Variants in SERPINA6 observed in about 807,000 individuals in gnomAD.
SERPINA6 encodes corticosteroid-binding globulin.
A neutral mutation model predicts 26.4 loss-of-function variants in SERPINA6; 19 were observed. That is an observed-to-expected ratio of 0.72 (90% confidence interval 0.50 to 1.06). SERPINA6 has a LOEUF of 1.06. Ranked by LOEUF, SERPINA6 falls within the 50% of genes least tolerant of loss-of-function variation. SERPINA6 has a pLI of 0.00. For missense variants in SERPINA6, 473 were observed against 504.0 expected (o/e 0.94, Z 0.59); for synonymous variants, 196 against 199.4 (o/e 0.98, Z 0.14).
chr14:94,306,920 A>G lies in SERPINA6; in HGVS notation c.885-702T>C, dbSNP rs556420635. ...TGCCTTCTCCCCAGAGGGAGAGCAG[A>G]TGTCTAAAACACTGAAACTGAGGGG... On this transcript the variant is annotated intron_variant, in intron 3 of 4. Transcript: ENST00000341584. Among the ~76,000 whole-genome samples the G allele has an allele frequency of 1.6e-4, 24 of 152,276 alleles. No homozygotes were observed. In the South Asian group the frequency reaches 3.9e-3, roughly 25 times the overall value.
At chr14:94,319,027 C>T (rs934007395) in intron 1 of SERPINA6, among the ~76,000 whole-genome samples, 2 of 152,200 alleles carry the variant, frequency 1.3e-5, no homozygotes, top group African/African-American at 4.8e-5. Flanking sequence ...TTTTCAGAGA[C>T]AACATACAAA....
chr14:94,304,434 A>G lies in SERPINA6; in HGVS notation c.1202T>C (p.Val401Ala), dbSNP rs772415332. 2 of 1,614,032 alleles carry G rather than the reference A, an allele frequency of 1.2e-6. No individual in the cohort carries two copies. Among genetic ancestry groups the G allele is most frequent in the Non-Finnish European group, 1.7e-6 (2 of 1,179,962 alleles). The change falls in exon 5 of 5, where the codon GTT becomes GCT. Residue 401 changes from valine to alanine, a missense_variant. Physicochemically the swap from Val to Ala is moderately conservative, Grantham distance 64. Transcript: ENST00000341584. ...GGTGGTCTCTTACACTGGGTTCATAACCCTCGCCAGGAAAAGGCTGCTCCA... is the reference window on the plus strand; with the variant it reads ...GGTGGTCTCTTACACTGGGTTCATAGCCCTCGCCAGGAAAAGGCTGCTCCA... The part of the protein sequence containing the change: ...FTWSSLFLAR[V>A]MNPV
intron 2 of SERPINA6, among the ~76,000 whole-genome samples, chr14:94,313,230 A>G (rs1378622116): frequency 1.3e-5 from 2 of 152,248 alleles, no homozygotes; most frequent in African/African-American, 4.8e-5. Context: ...GCTTTGTGGC[A>G]GGCAGAATAA....
intron 2 of SERPINA6, 78 bp from the exon 3 acceptor site, chr14:94,310,084 A>G: frequency 1.4e-6 from 2 of 1,427,598 alleles, no homozygotes; most frequent in South Asian, 1.2e-5. Context: ...CTACTATCCA[A>G]GTGACACAGT....
intron 2 of SERPINA6, among the ~76,000 whole-genome samples, chr14:94,312,517 A>G (rs1033027977): frequency 3.9e-5 from 6 of 152,268 alleles, no homozygotes; most frequent in Non-Finnish European, 8.8e-5. Context: ...AAGAGTGCAC[A>G]GTCTCGTGGG....
chr14:94,305,820 G>C (rs8015996), intron 4 of SERPINA6, among the ~76,000 whole-genome samples: 3 of 151,856 alleles, frequency 2.0e-5, no homozygotes, highest in Non-Finnish European at 4.4e-5. Flanking sequence ...GTGTGGTCTG[G>C]TGGGATGGGT....
chr14:94,308,028 T>G (rs1453860845), intron 3 of SERPINA6, among the ~76,000 whole-genome samples: 1 of 152,264 alleles, frequency 6.6e-6, no homozygotes, highest in Non-Finnish European at 1.5e-5. Flanking sequence ...ACAACATTTG[T>G]CCAAGCCAAA....
At chr14:94,310,049 C>T (rs1413912037) in intron 2 of SERPINA6, 43 bp from the exon 3 acceptor site, 1 of 1,608,226 alleles carries the variant, frequency 6.2e-7, no homozygotes, top group Non-Finnish European at 8.5e-7. Context: ...GAGAGGAAAA[C>T]ACAGTTCCAG....
At chr14:94,322,484 T>C (rs764935876) in intron 1 of SERPINA6, among the ~76,000 whole-genome samples, 4 of 152,118 alleles carry the variant, frequency 2.6e-5, no homozygotes, top group Admixed American at 6.5e-5. Context: ...CACTCCAGCT[T>C]GGGCAACAAG....
At chr14:94,312,825 T>TGA (rs139111793) in intron 2 of SERPINA6, among the ~76,000 whole-genome samples, 1,602 of 149,106 alleles carry the variant, frequency 0.011, 41 homozygotes, top group African/African-American at 0.038. Flanking sequence ...TGGGAGGTCC[T>TGA]GAGAGAGAGC....
At position 94,314,381 on chromosome 14, in the gene SERPINA6, G is replaced by T. The variant is rs775123612; in HGVS notation, c.268C>A (p.Leu90Ile). 7 of 1,614,078 alleles carry T rather than the reference G, an allele frequency of 4.3e-6. No individual in the cohort carries two copies. The highest frequency in any genetic ancestry group is 5.9e-6 in the Non-Finnish European group (7 of 1,180,028). ...GTCGHTRAQL[L>I]QGLGFNLTER... ...GTGAGGTTGAAACCCAGGCCCTGGA[G>T]AAGCTGGGCCCGTGTGTGGCCACAG... is the stretch of plus-strand genomic sequence containing the variant. Residue 90 changes from leucine (L) to isoleucine (I), a missense_variant, in exon 2 of 5, where the codon CTC (leucine) becomes ATC (isoleucine). Physicochemically the swap from Leu to Ile is conservative, Grantham distance 5 (BLOSUM62 2). Coordinates refer to ENST00000341584, the MANE Select transcript of SERPINA6 (RefSeq NM_001756.4).
chr14:94,304,798 GCCGCA>G lies in SERPINA6; in HGVS notation c.1033-200_1033-196del, dbSNP rs200545552. Among the ~76,000 whole-genome samples, 7 of 152,248 alleles carry G rather than the reference GCCGCA, an allele frequency of 4.6e-5. No individual in the cohort carries two copies. The East Asian group carries it at 1.4e-3, about 29-fold the overall frequency. ...AAGTCTGTCCACCTCCAGAACCTGG[GCCGCA>G]CCTACACTTCCTATTCAAAGGGCAG... On this transcript the variant is annotated intron_variant, in intron 4 of 4. Coordinates refer to ENST00000341584, the MANE Select transcript of SERPINA6 (RefSeq NM_001756.4).
chr14:94,322,280 G>T (rs1340837754), intron 1 of SERPINA6, among the ~76,000 whole-genome samples: 1 of 152,188 alleles, frequency 6.6e-6, no homozygotes, highest in East Asian at 1.9e-4. Context: ...AAGCTGAGGT[G>T]GGCAGATCAT....
rs755839631 is a variant in SERPINA6, at chr14:94,304,559, G to A, written c.1077C>T (p.Asp359=). The A allele has an allele frequency of 1.2e-6, 2 of 1,614,174 alleles. No individual in the cohort carries two copies. Among genetic ancestry groups the A allele is most frequent in the South Asian group, 2.2e-5 (2 of 91,086 alleles). Residue 359 remains aspartate (D), a synonymous_variant, in exon 5 of 5, where the codon GAC becomes GAT. Coordinates refer to ENST00000341584, the MANE Select transcript of SERPINA6 (RefSeq NM_001756.4). ...GGGTGACCCCAGTGGAGCCAGCTGT[G>A]TCCACACCCTCCTCATTGAGTTGCA... ...AVLQLNEEGV[D]TAGSTGVTLN...
chr14:94,312,919 G>A (rs1895552670), intron 2 of SERPINA6, among the ~76,000 whole-genome samples: 2 of 152,342 alleles, frequency 1.3e-5, no homozygotes, highest in East Asian at 1.9e-4. Flanking sequence ...AGAGACACAT[G>A]TTCAGTAGAG....
intron 4 of SERPINA6, 57 bp downstream of exon 4, chr14:94,306,014 A>G: frequency 1.9e-6 from 3 of 1,599,350 alleles, no homozygotes; most frequent in Admixed American, 3.3e-5. Flanking sequence ...TCCTAGTATT[A>G]TATTTATATT....
intron 1 of SERPINA6, among the ~76,000 whole-genome samples, chr14:94,321,337 C>G (rs34097828): frequency 0.18 from 27,463 of 152,084 alleles, 2,800 homozygotes; most frequent in Non-Finnish European, 0.24. Flanking sequence ...CATTGCCCAC[C>G]ACAGGGCTGA....
At chr14:94,307,074 C>T (rs2144835) in intron 3 of SERPINA6, among the ~76,000 whole-genome samples, 112,762 of 152,044 alleles carry the variant, frequency 0.74, 42,495 homozygotes, top group East Asian at 1. Flanking sequence ...GTGGAAGCCG[C>T]CCTTTTCTAA....
chr14:94,317,824 C>T (rs965433866), intron 1 of SERPINA6, among the ~76,000 whole-genome samples: 4 of 152,172 alleles, frequency 2.6e-5, no homozygotes, highest in Admixed American at 2.0e-4. Context: ...ACTACTTTTA[C>T]CTAATATAGC....
Sources: gnomAD v4.1 joint callset for allele counts (sites outside exome capture counted in the v4.1 genomes callset) on GRCh38, gnomAD v4.1.1 for gene constraint, MANE v1.5 for transcripts, NCBI Gene and HGNC (gene_info 2026-07-23, HGNC 2026-07-21) for gene names.